The following KLF12 variants were observed in gnomAD, a reference collection of about 807,000 sequenced individuals.
KLF12 encodes the protein Krueppel-like factor 12.
KLF12 carries 9 observed loss-of-function variants against 37.8 expected under a neutral mutation model. The observed-to-expected ratio is 0.24, with a 90% confidence interval of 0.14 to 0.42. The LOEUF (loss-of-function observed/expected upper bound fraction) is 0.42, where lower values mean the gene tolerates loss of function less well. KLF12 is among the 10% of genes least tolerant of loss of function. The pLI is 1.00. For synonymous variants in KLF12, 208 were observed against 202.1 expected (o/e 1.03, Z -0.25); for missense variants, 411 against 516.0 (o/e 0.80, Z 1.97).
chr13:73,942,144 G>A (rs1465449371), intron 3 of KLF12, among the ~76,000 whole-genome samples: 1 of 152,166 alleles, frequency 6.6e-6, no homozygotes, highest in Admixed American at 6.5e-5. Flanking sequence ...AAAGGGGAAA[G>A]AACTATATGG....
At chr13:74,252,759 T>G in the KLF12 span, among the ~76,000 whole-genome samples, 2 of 152,160 alleles carry the variant, frequency 1.3e-5, no homozygotes, top group African/African-American at 4.8e-5. Context: ...TCTTCCTCCT[T>G]CCCATCCTCC....
the KLF12 span, among the ~76,000 whole-genome samples, chr13:74,293,439 T>G: frequency 7.2e-5 from 11 of 152,184 alleles, no homozygotes; most frequent in Admixed American, 4.6e-4. Flanking sequence ...ATGCAGGATA[T>G]AATAGTAAAT....
At chr13:74,184,090 G>A in the KLF12 span, among the ~76,000 whole-genome samples, 1 of 152,156 alleles carries the variant, frequency 6.6e-6, no homozygotes, top group East Asian at 1.9e-4. Flanking sequence ...CTCAGGCCCA[G>A]CCTTAGACCT....
the KLF12 span, among the ~76,000 whole-genome samples, chr13:74,269,886 A>C: frequency 1.3e-5 from 2 of 152,202 alleles, no homozygotes; most frequent in Non-Finnish European, 2.9e-5. Flanking sequence ...GACAATATCC[A>C]GTCATTTTGA....
chr13:73,974,549 G>A (rs745949940), intron 2 of KLF12, among the ~76,000 whole-genome samples: 1 of 152,170 alleles, frequency 6.6e-6, no homozygotes, highest in Admixed American at 6.5e-5. Context: ...GCATCCACAA[G>A]ACCTTCATAA....
intron 1 of KLF12, among the ~76,000 whole-genome samples, chr13:74,098,840 C>T (rs937145398): frequency 6.6e-6 from 1 of 152,130 alleles, no homozygotes; most frequent in African/African-American, 2.4e-5. Context: ...TAAGCAATTA[C>T]ATTCAAAATA....
At chr13:74,137,539 C>T (rs974826318), upstream of KLF12, among the ~76,000 whole-genome samples, 27 of 152,144 alleles carry the variant, frequency 1.8e-4, no homozygotes, top group African/African-American at 6.5e-4. Context: ...TTTTACCTAA[C>T]ACATTGTCCA....
chr13:73,809,069 A>C (rs4264279), intron 5 of KLF12, among the ~76,000 whole-genome samples: 51,250 of 151,974 alleles, frequency 0.34, 9,035 homozygotes, highest in East Asian at 0.64. Context: ...GAATTAGTTG[A>C]CCAGGGTTTC....
intron 6 of KLF12, among the ~76,000 whole-genome samples, chr13:73,723,143 G>A (rs1022137229): frequency 1.3e-5 from 2 of 152,116 alleles, no homozygotes; most frequent in African/African-American, 4.8e-5. Flanking sequence ...TGTTCTGGTT[G>A]GCTATATTAT....
the KLF12 span, among the ~76,000 whole-genome samples, chr13:74,244,758 C>T: frequency 1.3e-5 from 2 of 152,142 alleles, no homozygotes; most frequent in African/African-American, 4.8e-5. Flanking sequence ...AATGCTAGGA[C>T]AATTTTTCAA....
intron 1 of KLF12, among the ~76,000 whole-genome samples, chr13:74,037,606 C>A (rs1163013133): frequency 6.6e-6 from 1 of 152,164 alleles, no homozygotes; most frequent in Non-Finnish European, 1.5e-5. Flanking sequence ...TTTTAGCATT[C>A]TACTTAAGTT....
At chr13:74,139,856 A>G in the KLF12 span, among the ~76,000 whole-genome samples, 13 of 152,244 alleles carry the variant, frequency 8.5e-5, no homozygotes, top group African/African-American at 2.6e-4. Flanking sequence ...GATCTGAACT[A>G]TAGGTATCCT....
the KLF12 span, among the ~76,000 whole-genome samples, chr13:74,219,752 C>T: frequency 6.6e-6 from 1 of 152,172 alleles, no homozygotes; most frequent in Non-Finnish European, 1.5e-5. Flanking sequence ...TTGAAGGAAA[C>T]ATTCCGTGGT....
chr13:73,785,392 G>A (rs1159235437), intron 5 of KLF12, among the ~76,000 whole-genome samples: 2 of 152,148 alleles, frequency 1.3e-5, no homozygotes, highest in African/African-American at 2.4e-5. Flanking sequence ...GGGATTACAG[G>A]AATGGGCCAC....
intron 5 of KLF12, among the ~76,000 whole-genome samples, chr13:73,797,860 G>A (rs1362810851): frequency 1.3e-5 from 2 of 150,272 alleles, no homozygotes; most frequent in African/African-American, 4.9e-5. Context: ...CCCGCCACTA[G>A]AGGCCTGGTC....
rs893063648 is a variant in KLF12 at position 73,973,444 on chromosome 13, G to C, written c.33+21546C>G. ...TCCATACATCACCAAAACAGACAGA[G>C]AGGGCAAGGACATTTTGACATACTT... On this transcript the variant is annotated intron_variant, in intron 2 of 7. Transcript: ENST00000377669. 2.6e-5 allele frequency among the ~76,000 whole-genome samples: 4 copies of C among 152,274 alleles called. No individual in the cohort carries two copies. In the East Asian group the frequency reaches 7.7e-4, roughly 29 times the overall value.
chr13:74,199,735 A>T, the KLF12 span, among the ~76,000 whole-genome samples: 3 of 152,162 alleles, frequency 2.0e-5, no homozygotes, highest in African/African-American at 7.2e-5. Flanking sequence ...ATCAGATAGA[A>T]AGTTCTCCAA....
chr13:74,125,808 A>C (rs1316991422), intron 1 of KLF12, among the ~76,000 whole-genome samples: 5 of 152,244 alleles, frequency 3.3e-5, no homozygotes, highest in African/African-American at 1.2e-4. Context: ...ATAATAATAC[A>C]GCCTCTAAAC....
chr13:74,175,049 G>A, the KLF12 span, among the ~76,000 whole-genome samples: 1 of 152,146 alleles, frequency 6.6e-6, no homozygotes, highest in Non-Finnish European at 1.5e-5. Context: ...CACAAGCATG[G>A]AGCCCCGGGT....
Sources: allele counts gnomAD v4.1 joint callset (sites outside exome capture counted in the v4.1 genomes callset), GRCh38; gene constraint gnomAD v4.1.1; transcripts MANE v1.5; gene names NCBI Gene and HGNC (gene_info 2026-07-23, HGNC 2026-07-21).